Variants in XIAP observed in about 807,000 individuals in gnomAD.
The protein encoded by XIAP is X-linked inhibitor of apoptosis.
Under a neutral mutation model 33.1 loss-of-function variants are expected in XIAP, and 3 were observed. The ratio of observed to expected loss-of-function variants is 0.09; its 90% confidence interval spans 0.04 to 0.23. The LOEUF is 0.23. Among genes scored for constraint, XIAP ranks in the 10% least tolerant of loss-of-function variants. The pLI, the probability that XIAP is intolerant of heterozygous loss-of-function variation, is 1.00. For synonymous variants in XIAP, 98 were observed against 121.3 expected (o/e 0.81, Z 1.26); for missense variants, 264 against 363.0 (o/e 0.73, Z 2.22).
Position 123,885,962 on chromosome X carries a change from T to C in XIAP, c.300T>C (p.Asn100=), listed in dbSNP as rs2148089584. ...CRFINGFYLE[N]SATQSTNSGI... is the part of the protein sequence containing the mutation. The stretch of plus-strand genomic sequence containing the variant: ...TTATCAACGGCTTTTATCTTGAAAA[T>C]AGTGCCACGCAGTCTACAAATTCTG... The change falls in exon 2 of 7, where the codon AAT becomes AAC. Residue 100 remains asparagine (N), a synonymous_variant. Transcript: ENST00000371199. 2.5e-6 allele frequency: 3 copies of C among 1,211,568 alleles called. No homozygotes were observed. Among genetic ancestry groups the C allele is most frequent in the Non-Finnish European group, 3.4e-6 (3 of 895,498 alleles).
chrX:123,893,148 T>A (rs181282049), intron 5 of XIAP, among the ~76,000 whole-genome samples: 1 of 109,981 alleles, frequency 9.1e-6, no homozygotes, highest in East Asian at 2.9e-4. Flanking sequence ...ATAGTTGTTA[T>A]TTATGGGGTG....
At chrX:123,877,221 AC>A (rs1338506287) in intron 1 of XIAP, among the ~76,000 whole-genome samples, 1 of 110,459 alleles carries the variant, frequency 9.1e-6, no homozygotes, top group Non-Finnish European at 1.9e-5. Flanking sequence ...ATGCACCACC[AC>A]GCCTGACTAC....
At chrX:123,882,371 A>G (rs2053311639) in intron 1 of XIAP, among the ~76,000 whole-genome samples, 2 of 111,937 alleles carry the variant, frequency 1.8e-5, no homozygotes, top group African/African-American at 6.5e-5. Context: ...TCTGTTTTCT[A>G]CATGATAATC....
At chrX:123,868,722 A>T (rs907824346) in intron 1 of XIAP, among the ~76,000 whole-genome samples, 1 of 111,402 alleles carries the variant, frequency 9.0e-6, no homozygotes, top group Non-Finnish European at 1.9e-5. Flanking sequence ...ACAGAGCAAG[A>T]CCCTATCTCA....
At chrX:123,865,045 GTGTT>G (rs1187471153) in intron 1 of XIAP, among the ~76,000 whole-genome samples, 11 of 100,725 alleles carry the variant, frequency 1.1e-4, no homozygotes, top group East Asian at 3.2e-4. Flanking sequence ...TTGCTTTTGT[GTGTT>G]TGTTTGTTTT....
chrX:123,899,548 T>C (rs183414656), intron 5 of XIAP, among the ~76,000 whole-genome samples: 74 of 108,763 alleles, frequency 6.8e-4, no homozygotes, highest in African/African-American at 2.2e-3. Flanking sequence ...CCCCAAGTTA[T>C]ATTCTGGCTT....
chrX:123,889,582 A>G (rs1156725499), intron 3 of XIAP, among the ~76,000 whole-genome samples: 1 of 107,417 alleles, frequency 9.3e-6, no homozygotes, highest in African/African-American at 3.4e-5. Flanking sequence ...CAATGGTGCT[A>G]TCTCAGTTCA....
At chrX:123,884,944 C>CAAAAAAAAAAAAAAAAAAAAAAAAA (rs5903649) in intron 1 of XIAP, among the ~76,000 whole-genome samples, 3 of 92,109 alleles carry the variant, frequency 3.3e-5, no homozygotes, top group African/African-American at 1.2e-4. Flanking sequence ...ATGTCATGGG[C>CAAAAAAAAAAAAAAAAAAAAAAAAA]AAAAAAAAAA....
chrX:123,895,379 G>T (rs1214921137), intron 5 of XIAP, among the ~76,000 whole-genome samples: 1 of 112,005 alleles, frequency 8.9e-6, no homozygotes, highest in Admixed American at 9.5e-5. Context: ...TCTACTTTTT[G>T]ACTATTATGA....
Position 123,908,750 on chromosome X carries a change from A to AT in XIAP, c.*1575dup. ...AGAAAAGAAGAATAGTTGTTTAAAT[A>AT]TTTTTTAAAAAACACTTGAATAAGA... On this transcript the variant is annotated 3_prime_UTR_variant, in exon 7 of 7. Transcript: ENST00000371199. 4 of 346,722 alleles carry AT rather than the reference A, an allele frequency of 1.2e-5. No homozygotes were observed. The highest frequency in any genetic ancestry group is 8.2e-5 in the South Asian group (3 of 36,536). 28.6% of individuals were successfully genotyped at this position (346,722 alleles called of 1,213,427 possible).
intron 1 of XIAP, among the ~76,000 whole-genome samples, chrX:123,866,510 TATATC>T (rs1263361265): frequency 1.0e-5 from 1 of 97,438 alleles, no homozygotes; most frequent in African/African-American, 3.8e-5. Context: ...TAATATATGA[TATATC>T]ATATATAATA....
Position 123,891,329 on chromosome X carries a change from T to A in XIAP, c.1056+13T>A. 3.5e-6 allele frequency: 3 copies of A among 859,540 alleles called. No individual in the cohort carries two copies. Among genetic ancestry groups the A allele is most frequent in the Non-Finnish European group, 5.0e-6 (3 of 599,535 alleles). The allele number at this position is 859,540 out of a possible 1,213,427, so 70.8% of individuals were successfully genotyped here. A position where few individuals can be genotyped will look rare whatever the true frequency, so the allele number is the denominator to read the frequency against. Reference sequence around the variant, plus strand: ...TGAGGAGTGTCTGGTAAGTCTCATATAATTTATATTTTCAAATTCACATTT... The same window carrying A: ...TGAGGAGTGTCTGGTAAGTCTCATAAAATTTATATTTTCAAATTCACATTT... On this transcript the variant is annotated intron_variant, in intron 4 of 6. Transcript: ENST00000371199.
At chrX:123,887,272 A>T (rs1356241000) in intron 2 of XIAP, among the ~76,000 whole-genome samples, 3 of 109,359 alleles carry the variant, frequency 2.7e-5, no homozygotes, top group Non-Finnish European at 5.7e-5. Flanking sequence ...CTGGTCTCGA[A>T]CTCCTGACCT....
intron 6 of XIAP, among the ~76,000 whole-genome samples, chrX:123,901,350 A>C (rs2053512867): frequency 9.0e-6 from 1 of 111,163 alleles, no homozygotes; most frequent in Admixed American, 9.7e-5. Context: ...ATGCCACTAC[A>C]CTTCGGCCTG....
At position 123,912,250 on chromosome X, in the gene XIAP, A is replaced by AT. The variant is rs2053610128; in HGVS notation, c.*5069_*5070insT. On this transcript the variant is annotated 3_prime_UTR_variant, in exon 7 of 7. Coordinates refer to ENST00000371199, the MANE Select transcript of XIAP (RefSeq NM_001167.4). ...AAAAGACCACACAATAAAAAAAAAA[A>AT]ATACAAAATAATACAAAGAAAAAGC... The AT allele has an allele frequency of 7.5e-6, 2 of 268,375 alleles. No homozygotes were observed. Among genetic ancestry groups the AT allele is most frequent in the African/African-American group, 3.6e-5 (1 of 27,841 alleles). The allele number at this position is 268,375 out of a possible 1,213,427, so 22.1% of individuals were successfully genotyped here.
rs1235713413 is a variant in XIAP at position 123,910,486 on chromosome X, C to T, written c.*3305C>T. The T allele has an allele frequency of 3.0e-6, 1 of 329,192 alleles. No individual in the cohort carries two copies. The highest frequency in any genetic ancestry group is 2.6e-5 in the South Asian group (1 of 38,480). 27.1% of individuals were successfully genotyped at this position (329,192 alleles called of 1,213,427 possible). A position where few individuals can be genotyped will look rare whatever the true frequency, so the allele number is the denominator to read the frequency against. On this transcript the variant is annotated 3_prime_UTR_variant, in exon 7 of 7. Coordinates refer to ENST00000371199, the MANE Select transcript of XIAP (RefSeq NM_001167.4). ...TAAACCCGAATCATTGTTTTATTTC[C>T]TGATTACACAGGTGTTGAATGGGGA...
chrX:123,900,815 G>T, intron 6 of XIAP, 122 bp downstream of exon 6: 1 of 617,299 alleles, frequency 1.6e-6, no homozygotes, highest in Admixed American at 2.5e-5. Context: ...TAACCTTAAT[G>T]CTGTGTGTTA....
intron 1 of XIAP, among the ~76,000 whole-genome samples, chrX:123,884,752 T>C (rs1185408411): frequency 9.0e-6 from 1 of 111,360 alleles, no homozygotes; most frequent in Non-Finnish European, 1.9e-5. Context: ...ATAAATTATC[T>C]TTCTAATAAT....
At chrX:123,877,731 T>C (rs985515768) in intron 1 of XIAP, among the ~76,000 whole-genome samples, 1 of 111,247 alleles carries the variant, frequency 9.0e-6, no homozygotes, top group Non-Finnish European at 1.9e-5. Flanking sequence ...GCCAACACTT[T>C]GGGAGGCTGA....
Sources: gnomAD v4.1 joint callset for allele counts (sites outside exome capture counted in the v4.1 genomes callset) on GRCh38, gnomAD v4.1.1 for gene constraint, MANE v1.5 for transcripts, NCBI Gene and HGNC (gene_info 2026-07-23, HGNC 2026-07-21) for gene names.